Variants in RGSL1 observed in about 807,000 individuals in gnomAD.
The protein encoded by RGSL1 is regulator of G protein signaling like 1.
A neutral mutation model predicts 124.7 loss-of-function variants in RGSL1; 97 were observed. The observed-to-expected ratio is 0.78, with a 90% confidence interval of 0.66 to 0.92. The LOEUF is 0.92. RGSL1 is among the 40% of genes least tolerant of loss of function. The pLI is 0.00. For synonymous variants in RGSL1, 424 were observed against 438.1 expected (o/e 0.97, Z 0.40); for missense variants, 1,233 against 1,288.4 (o/e 0.96, Z 0.66).
chr1:182,449,067 C>T (rs266506), upstream of RGSL1, among the ~76,000 whole-genome samples: 286 of 152,314 alleles, frequency 1.9e-3, 1 homozygote, highest in African/African-American at 6.6e-3. Context: ...ATTGTAGAAT[C>T]ATGCAGTGCT....
chr1:182,505,348 T>C (rs1445832912), intron 9 of RGSL1, among the ~76,000 whole-genome samples: 1 of 150,796 alleles, frequency 6.6e-6, no homozygotes, highest in Non-Finnish European at 1.5e-5. Context: ...TGGGCTGCTG[T>C]CATCATGGCC....
At chr1:182,494,103 G>A (rs752074158) in intron 9 of RGSL1, among the ~76,000 whole-genome samples, 1 of 152,048 alleles carries the variant, frequency 6.6e-6, no homozygotes, top group Non-Finnish European at 1.5e-5. Context: ...TGGGATACCT[G>A]AGCCCCCGGT....
intron 3 of RGSL1, 149 bp downstream of exon 3, chr1:182,458,542 T>A: frequency 1.5e-6 from 1 of 666,214 alleles, no homozygotes; most frequent in Non-Finnish European, 2.6e-6. Flanking sequence ...CGATCTTAGC[T>A]CACTGCAACC....
chr1:182,517,282 G>GGT (rs1553268397), intron 9 of RGSL1, among the ~76,000 whole-genome samples: 2 of 142,542 alleles, frequency 1.4e-5, no homozygotes, highest in South Asian at 4.4e-4. Context: ...TTCTATTTCT[G>GGT]TTTTTTTTTT....
intron 15 of RGSL1, among the ~76,000 whole-genome samples, chr1:182,543,774 C>T (rs3903930): frequency 0.52 from 79,432 of 151,634 alleles, 21,008 homozygotes; most frequent in Non-Finnish European, 0.56. Context: ...AGTTTTTATG[C>T]GTCCAAGAAT....
At chr1:182,554,087 C>G (rs536562820) in intron 19 of RGSL1, among the ~76,000 whole-genome samples, 1 of 152,222 alleles carries the variant, frequency 6.6e-6, no homozygotes, top group Non-Finnish European at 1.5e-5. Context: ...CACTCCCACA[C>G]TCTAACCCTG....
In RGSL1 at chr1:182,472,378, C is replaced by T; in HGVS notation, c.302-18C>T. On this transcript the variant is annotated intron_variant, in intron 4 of 21. Transcript: ENST00000294854. ...AAAACTAGGGTATAGCTCTGTGCCT[C>T]TTCTGTCTCACCCGTAGGTGAAGAA... 1 of 1,542,018 alleles carries T rather than the reference C, an allele frequency of 6.5e-7. No individual in the cohort carries two copies. Among genetic ancestry groups the T allele is most frequent in the Non-Finnish European group, 8.8e-7 (1 of 1,140,192 alleles).
intron 14 of RGSL1, among the ~76,000 whole-genome samples, chr1:182,537,217 G>A (rs1027326882): frequency 6.6e-5 from 10 of 152,138 alleles, no homozygotes; most frequent in Admixed American, 3.9e-4. Flanking sequence ...CTAACCTCAC[G>A]TAACAGGTTG....
chr1:182,540,404 C>G lies in RGSL1; in HGVS notation c.2652C>G (p.Phe884Leu). The change falls in exon 15 of 22, where the codon TTC (phenylalanine) becomes TTG (leucine). Residue 884 changes from phenylalanine to leucine, a missense_variant. Coordinates refer to ENST00000294854, the MANE Select transcript of RGSL1 (RefSeq NM_001137669.2). ...TVNFAINDLYFFSEMEKFNDL... is the reference protein window; with the variant it reads ...TVNFAINDLYLFSEMEKFNDL... Reference sequence around the variant, plus strand: ...ACTTTGCGATCAATGATCTATATTTCTTTTCTGAAATGGAGAAGTAAGTTT... The same window carrying G: ...ACTTTGCGATCAATGATCTATATTTGTTTTCTGAAATGGAGAAGTAAGTTT... The G allele has an allele frequency of 6.5e-7, 1 of 1,550,338 alleles. No individual in the cohort carries two copies. The highest frequency in any genetic ancestry group is 8.7e-7 in the Non-Finnish European group (1 of 1,146,344).
rs1653926484 is a variant in RGSL1, at chr1:182,472,472, C to A, written c.378C>A (p.Asp126Glu). Residue 126 changes from aspartate to glutamate, a missense_variant, in exon 5 of 22, where the codon GAC becomes GAA. Asp to Glu is a conservative substitution (Grantham distance 45, BLOSUM62 2). Coordinates refer to ENST00000294854, the MANE Select transcript of RGSL1 (RefSeq NM_001137669.2). ...ATGAGATGGACCTGGAAGTGAGAGA[C>A]TACTACCTGTCCCTCCTCCTCATGC... ...SIDEMDLEVR[D>E]YYLSLLLMLR... The A allele has an allele frequency of 2.6e-6, 4 of 1,551,128 alleles. No homozygotes were observed. The African/African-American group carries it at 4.1e-5, about 16-fold the overall frequency.
intron 9 of RGSL1, among the ~76,000 whole-genome samples, chr1:182,507,930 C>T (rs368556868): frequency 1.2e-4 from 19 of 152,060 alleles, no homozygotes; most frequent in African/African-American, 3.6e-4. Flanking sequence ...CTCGAACTCC[C>T]GGGCTCAAAC....
intron 6 of RGSL1, among the ~76,000 whole-genome samples, chr1:182,476,087 G>A (rs1654269762): frequency 6.6e-6 from 1 of 152,144 alleles, no homozygotes; most frequent in Non-Finnish European, 1.5e-5. Flanking sequence ...ATGATTTCCA[G>A]TATATCATAA....
intron 8 of RGSL1, among the ~76,000 whole-genome samples, chr1:182,492,155 T>G (rs1655573677): frequency 6.6e-6 from 1 of 152,194 alleles, no homozygotes; most frequent in Non-Finnish European, 1.5e-5. Flanking sequence ...TCTTTGCCAT[T>G]TGTTATTCTT....
chr1:182,479,114 T>G (rs1244107868), intron 6 of RGSL1, among the ~76,000 whole-genome samples: 4 of 152,044 alleles, frequency 2.6e-5, no homozygotes, highest in African/African-American at 9.7e-5. Flanking sequence ...TAAGGTGAAA[T>G]GAAAAGATGC....
At chr1:182,559,430 T>C (rs1459007567) in intron 21 of RGSL1, among the ~76,000 whole-genome samples, 1 of 152,180 alleles carries the variant, frequency 6.6e-6, no homozygotes, top group Admixed American at 6.5e-5. Flanking sequence ...GCCTTGGACA[T>C]GTCGCTGCTA....
chr1:182,491,792 C>T (rs1655543833), intron 8 of RGSL1, among the ~76,000 whole-genome samples: 1 of 152,102 alleles, frequency 6.6e-6, no homozygotes, highest in Non-Finnish European at 1.5e-5. Context: ...TAGAGAGTTC[C>T]AGGAGAACTC....
chr1:182,462,200 G>A (rs556919384), intron 4 of RGSL1, among the ~76,000 whole-genome samples: 1 of 152,302 alleles, frequency 6.6e-6, no homozygotes, highest in South Asian at 2.1e-4. Flanking sequence ...CCAGCAGGCA[G>A]TAGGTTGATA....
At position 182,527,618 on chromosome 1, in the gene RGSL1, G is replaced by T; in HGVS notation, c.1971G>T (p.Glu657Asp). Residue 657 changes from glutamate to aspartate, a missense_variant, in exon 11 of 22, where the codon GAG becomes GAT. By Grantham distance (45) the Glu-to-Asp change is conservative. Transcript: ENST00000294854. The part of the protein sequence containing the change: ...TEVLLNTQHL[E>D]FFREFLKERK... ...TCCTCTTAAATACACAGCACTTGGAGTTCTTCAGGGAGTTCCTCAAGGAAC... is the reference window on the plus strand; with the variant it reads ...TCCTCTTAAATACACAGCACTTGGATTTCTTCAGGGAGTTCCTCAAGGAAC... 2 of 1,551,568 alleles carry T rather than the reference G, an allele frequency of 1.3e-6. No homozygotes were observed. Among genetic ancestry groups the T allele is most frequent in the Non-Finnish European group, 1.7e-6 (2 of 1,146,842 alleles).
chr1:182,492,933 A>T (rs893170764), intron 8 of RGSL1, 89 bp from the exon 9 acceptor site: 5 of 890,542 alleles, frequency 5.6e-6, no homozygotes, highest in Admixed American at 4.3e-5. Flanking sequence ...CCAGCATTTT[A>T]AAGGCAATAC....
Sources: allele counts gnomAD v4.1 joint callset (sites outside exome capture counted in the v4.1 genomes callset), GRCh38; gene constraint gnomAD v4.1.1; transcripts MANE v1.5; gene names NCBI Gene and HGNC (gene_info 2026-07-23, HGNC 2026-07-21).